Variants in SMS observed in about 807,000 individuals in gnomAD.
SMS encodes spermine synthase.
SMS carries 3 observed loss-of-function variants against 33.0 expected under a neutral mutation model. The observed-to-expected ratio is 0.09, with a 90% CI of 0.04 to 0.23. The LOEUF is 0.23. SMS is among the 10% of genes least tolerant of loss of function. The pLI is 1.00. For missense variants in SMS, 117 were observed against 288.6 expected (o/e 0.41, Z 4.31); for synonymous variants, 103 against 112.2 (o/e 0.92, Z 0.52).
chrX:21,984,197 G>T (rs772839468), intron 7 of SMS, 107 bp from the exon 8 acceptor site: 4 of 582,815 alleles, frequency 6.9e-6, no homozygotes, highest in Non-Finnish European at 1.2e-5. Flanking sequence ...GATAGCTGTG[G>T]ATATAAGCCC....
intron 9 of SMS, among the ~76,000 whole-genome samples, chrX:21,991,667 C>A (rs1272945146): frequency 8.9e-6 from 1 of 112,418 alleles, no homozygotes; most frequent in Non-Finnish European, 1.9e-5. Context: ...TAATCCAAAT[C>A]TACATTTTAA....
chrX:21,951,700 C>A (rs1006664704), intron 1 of SMS, among the ~76,000 whole-genome samples: 46 of 106,893 alleles, frequency 4.3e-4, no homozygotes, highest in Non-Finnish European at 7.3e-4. Context: ...AATAGGGAAT[C>A]CTTTCCCCAT....
intron 1 of SMS, among the ~76,000 whole-genome samples, chrX:21,948,536 G>A (rs940365576): frequency 1.1e-4 from 11 of 103,683 alleles, no homozygotes; most frequent in East Asian, 3.0e-4. Context: ...AATTTACTCC[G>A]TTTTGTTTGA....
chrX:21,965,772 TAATA>T (rs939742896), intron 1 of SMS, among the ~76,000 whole-genome samples: 5 of 106,323 alleles, frequency 4.7e-5, no homozygotes, highest in East Asian at 2.9e-4. Flanking sequence ...TAAAATAAAA[TAATA>T]AATAAATAAA....
intron 1 of SMS, among the ~76,000 whole-genome samples, chrX:21,943,605 A>G (rs1321617335): frequency 9.1e-6 from 1 of 109,825 alleles, no homozygotes; most frequent in African/African-American, 3.3e-5. Flanking sequence ...GGCAAGGCGA[A>G]CATTCTAGAA....
At position 21,961,319 on chromosome X, in the gene SMS, T is replaced by C. The variant is rs181145601; in HGVS notation, c.50-5877T>C. ...GCCAGTGAGTTTGGTTGGGGTAGGC[T>C]CTGGTGGGAGGCTTGGGGGAGCCTG... On this transcript the variant is annotated intron_variant, in intron 1 of 10. Coordinates refer to ENST00000404933, the MANE Select transcript of SMS (RefSeq NM_004595.5). Among the ~76,000 whole-genome samples, 276 of 110,341 alleles carry C rather than the reference T, an allele frequency of 2.5e-3. 3 individuals carry two copies. The highest frequency in any genetic ancestry group is 8.7e-3 in the African/African-American group (264 of 30,344).
At chrX:21,978,168 C>T in intron 6 of SMS, 54 bp downstream of exon 6, 1 of 1,089,272 alleles carries the variant, frequency 9.2e-7, no homozygotes, top group Non-Finnish European at 1.3e-6. Context: ...TGTTTCCTTC[C>T]TTCAGTGTCT....
chrX:21,951,346 C>T (rs1211703150), intron 1 of SMS, among the ~76,000 whole-genome samples: 2 of 112,278 alleles, frequency 1.8e-5, no homozygotes, highest in Non-Finnish European at 3.8e-5. Flanking sequence ...AGAGCTTTGT[C>T]AGATGGGTAG....
At chrX:21,990,889 A>G (rs1925714962) in intron 9 of SMS, among the ~76,000 whole-genome samples, 1 of 112,576 alleles carries the variant, frequency 8.9e-6, no homozygotes, top group Non-Finnish European at 1.9e-5. Context: ...GTTGAAACCA[A>G]ATTACATGCT....
intron 1 of SMS, among the ~76,000 whole-genome samples, chrX:21,946,742 G>C (rs1187093278): frequency 8.9e-6 from 1 of 111,756 alleles, no homozygotes; most frequent in African/African-American, 3.3e-5. Context: ...CAACTCCCCT[G>C]CGGCATTGAC....
intron 2 of SMS, among the ~76,000 whole-genome samples, chrX:21,971,262 T>C (rs1194080805): frequency 9.7e-6 from 1 of 103,009 alleles, no homozygotes; most frequent in Non-Finnish European, 2.0e-5. Context: ...TCTTGGTGCA[T>C]GTGATACACT....
chrX:21,976,963 C>T (rs775876105), intron 4 of SMS, 98 bp from the exon 5 acceptor site: 4 of 805,424 alleles, frequency 5.0e-6, no homozygotes, highest in Admixed American at 4.5e-5. Context: ...TGTCAAAAGT[C>T]GGCAGTCATG....
At chrX:21,979,457 G>T (rs1262773076) in intron 7 of SMS, among the ~76,000 whole-genome samples, 2 of 109,829 alleles carry the variant, frequency 1.8e-5, no homozygotes, top group South Asian at 8.0e-4. Context: ...TGCGGTGTTT[G>T]GTTTTCTGTT....
At chrX:21,979,250 A>G in intron 7 of SMS, among the ~76,000 whole-genome samples, 1 of 109,871 alleles carries the variant, frequency 9.1e-6, no homozygotes, top group East Asian at 2.8e-4. Flanking sequence ...GGTTTGTTAC[A>G]TAGGTATACA....
chrX:21,985,583 C>T (rs1253678592), intron 9 of SMS, among the ~76,000 whole-genome samples: 1 of 111,970 alleles, frequency 8.9e-6, no homozygotes, highest in African/African-American at 3.2e-5. Flanking sequence ...GGATTCTAAA[C>T]TTAAACTTTA....
At chrX:21,986,870 G>A (rs1037202163) in intron 9 of SMS, among the ~76,000 whole-genome samples, 2 of 111,633 alleles carry the variant, frequency 1.8e-5, no homozygotes, top group Non-Finnish European at 1.9e-5. Context: ...GATCTGCACA[G>A]CCTAAAATAT....
At chrX:21,991,862 T>C (rs1382375685) in intron 9 of SMS, among the ~76,000 whole-genome samples, 1 of 111,858 alleles carries the variant, frequency 8.9e-6, no homozygotes, top group Non-Finnish European at 1.9e-5. Flanking sequence ...ATCTAGGTCA[T>C]AGCTTAGAAG....
intron 1 of SMS, among the ~76,000 whole-genome samples, chrX:21,955,566 T>A (rs1922918399): frequency 8.9e-6 from 1 of 112,088 alleles, no homozygotes; most frequent in African/African-American, 3.2e-5. Flanking sequence ...AACCTTCTTT[T>A]TGTTACTTCT....
rs1266249673 is a variant in SMS, at chrX:21,987,072, C to T, written c.945+1849C>T. Among the ~76,000 whole-genome samples, 14 of 106,252 alleles carry T rather than the reference C, an allele frequency of 1.3e-4. No homozygotes were observed. The East Asian group carries it at 1.5e-3, about 11-fold the overall frequency. 92.3% of individuals were successfully genotyped at this position (106,252 alleles called of 115,157 possible). A position where few individuals can be genotyped will look rare whatever the true frequency, so the allele number is the denominator to read the frequency against. The stretch of plus-strand genomic sequence containing the variant: ...GTGCAATGGCGCGATCTCAGCTCAC[C>T]GCAACCTCCACCTCCTGGGTTCAAG... On this transcript the variant is annotated intron_variant, in intron 9 of 10. Transcript: ENST00000404933.
Sources: allele counts gnomAD v4.1 joint callset (sites outside exome capture counted in the v4.1 genomes callset), GRCh38; gene constraint gnomAD v4.1.1; transcripts MANE v1.5; gene names NCBI Gene and HGNC (gene_info 2026-07-23, HGNC 2026-07-21).